MACROD2: variants seen among roughly 807,000 people sequenced by gnomAD.
MACROD2 encodes the protein ADP-ribose glycohydrolase MACROD2.
MACROD2 carries 36 observed loss-of-function variants against 70.4 expected under a neutral mutation model. The ratio of observed to expected loss-of-function variants is 0.51; its 90% CI spans 0.39 to 0.68. The LOEUF is 0.68. Among genes scored for constraint, MACROD2 ranks in the 30% least tolerant of loss-of-function variants. MACROD2 has a pLI of 0.00. For synonymous variants in MACROD2, 172 were observed against 178.8 expected (o/e 0.96, Z 0.30); for missense variants, 496 against 538.4 (o/e 0.92, Z 0.78).
At chr20:14,802,712 C>T (rs901756819) in intron 5 of MACROD2, among the ~76,000 whole-genome samples, 1 of 151,864 alleles carries the variant, frequency 6.6e-6, no homozygotes, top group African/African-American at 2.4e-5. Context: ...GATTATCTCT[C>T]GTGTGTCTCT....
chr20:15,601,634 C>T (rs2048821710), intron 8 of MACROD2, among the ~76,000 whole-genome samples: 1 of 152,126 alleles, frequency 6.6e-6, no homozygotes, highest in Non-Finnish European at 1.5e-5. Flanking sequence ...TCTGACTCGC[C>T]AGGTATCAAT....
chr20:14,032,275 G>A (rs2053254810), intron 2 of MACROD2, among the ~76,000 whole-genome samples: 1 of 151,984 alleles, frequency 6.6e-6, no homozygotes, highest in South Asian at 2.1e-4. Context: ...CAGTGAATAT[G>A]TTTGTTACCC....
At chr20:15,997,357 T>A (rs1270803313) in intron 15 of MACROD2, among the ~76,000 whole-genome samples, 2 of 152,176 alleles carry the variant, frequency 1.3e-5, no homozygotes, top group African/African-American at 4.8e-5. Context: ...TTACATTTAT[T>A]TGTGTCTTAT....
At chr20:15,885,701 G>T in intron 9 of MACROD2, 63 bp from the exon 10 acceptor site, 1 of 1,367,098 alleles carries the variant, frequency 7.3e-7, no homozygotes, top group South Asian at 1.6e-5. Flanking sequence ...AATCCATCTG[G>T]AACATTCTTG....
intron 5 of MACROD2, among the ~76,000 whole-genome samples, chr20:15,216,840 A>G (rs2076814944): frequency 2.0e-5 from 3 of 152,126 alleles, no homozygotes; most frequent in South Asian, 4.1e-4. Context: ...ACCACAGTCT[A>G]TCCTTTTTCT....
chr20:14,657,322 TG>T (rs1158118717), intron 4 of MACROD2, among the ~76,000 whole-genome samples: 4 of 152,252 alleles, frequency 2.6e-5, no homozygotes, highest in African/African-American at 9.6e-5. Context: ...CTGGCAGTTG[TG>T]GCTTATTTGG....
In MACROD2 at chr20:14,688,647, T is replaced by C. The variant is rs886307762; in HGVS notation, c.418+3688T>C. Among the ~76,000 whole-genome samples the C allele has an allele frequency of 2.0e-5, 3 of 152,230 alleles. No homozygotes were observed. In the East Asian group the frequency reaches 5.8e-4, roughly 29 times the overall value. On this transcript the variant is annotated intron_variant, in intron 5 of 17. Coordinates refer to ENST00000684519, the MANE Select transcript of MACROD2 (RefSeq NM_001351661.2). ...GATCTTTTGGGAATCTTCTCTACAA[T>C]ATTAGATATTTTTGAATTCATAATG...
At chr20:14,595,140 T>C (rs1338450751) in intron 4 of MACROD2, among the ~76,000 whole-genome samples, 1 of 152,218 alleles carries the variant, frequency 6.6e-6, no homozygotes, top group Non-Finnish European at 1.5e-5. Flanking sequence ...ATCTCATTAG[T>C]AATTGCACAG....
chr20:15,512,478 T>C (rs1257968056), intron 8 of MACROD2, among the ~76,000 whole-genome samples: 1 of 152,252 alleles, frequency 6.6e-6, no homozygotes, highest in Non-Finnish European at 1.5e-5. Flanking sequence ...CTTTGAGTAC[T>C]TATTGTAGGC....
intron 8 of MACROD2, among the ~76,000 whole-genome samples, chr20:15,560,217 AT>A (rs1232065093): frequency 2.4e-4 from 37 of 152,194 alleles, no homozygotes; most frequent in African/African-American, 8.4e-4. Flanking sequence ...TTGGAGTAAA[AT>A]TAGGAGACCC....
chr20:14,945,971 G>T (rs1464200462), intron 5 of MACROD2, among the ~76,000 whole-genome samples: 1 of 152,164 alleles, frequency 6.6e-6, no homozygotes, highest in Non-Finnish European at 1.5e-5. Flanking sequence ...ACTTTGGGAG[G>T]CCGAGGTGGG....
chr20:15,178,338 T>C (rs1022486267), intron 5 of MACROD2, among the ~76,000 whole-genome samples: 4 of 152,210 alleles, frequency 2.6e-5, no homozygotes, highest in Admixed American at 6.5e-5. Context: ...TGGCTACCAC[T>C]CTGTAAGTGC....
intron 3 of MACROD2, among the ~76,000 whole-genome samples, chr20:14,087,992 T>A (rs1024348293): frequency 1.3e-5 from 2 of 152,252 alleles, no homozygotes; most frequent in Non-Finnish European, 2.9e-5. Context: ...CTTTTATATA[T>A]ACACACATAT....
intron 10 of MACROD2, among the ~76,000 whole-genome samples, chr20:15,929,602 C>A (rs1239764338): frequency 6.6e-6 from 1 of 152,186 alleles, no homozygotes; most frequent in Non-Finnish European, 1.5e-5. Context: ...AGGAAGTACA[C>A]ATCAGATTGT....
At chr20:14,450,272 T>A (rs2084230773) in intron 3 of MACROD2, among the ~76,000 whole-genome samples, 1 of 152,124 alleles carries the variant, frequency 6.6e-6, no homozygotes, top group South Asian at 2.1e-4. Flanking sequence ...TTCATATGCA[T>A]GTTGGTTCTA....
At chr20:14,843,787 T>A (rs2122283978) in intron 5 of MACROD2, among the ~76,000 whole-genome samples, 1 of 152,236 alleles carries the variant, frequency 6.6e-6, no homozygotes, top group Admixed American at 6.5e-5. Flanking sequence ...TCTTGTTAAC[T>A]CCTTTGCCAT....
chr20:15,666,990 GTTTTCT>G (rs1014792022), intron 8 of MACROD2, among the ~76,000 whole-genome samples: 2 of 152,082 alleles, frequency 1.3e-5, no homozygotes, highest in Non-Finnish European at 2.9e-5. Context: ...CTGTATTTTT[GTTTTCT>G]TTTTCTATCT....
At position 15,586,919 on chromosome 20, in the gene MACROD2, T is replaced by C. The variant is rs73101805; in HGVS notation, c.645+87072T>C. On this transcript the variant is annotated intron_variant, in intron 8 of 17. Transcript: ENST00000684519. ...TACATAAAAAATCTTAAAAATATCC[T>C]GAAGTTTACAAAGAAAGACTTGAAC... is the stretch of plus-strand genomic sequence containing the variant. Among the ~76,000 whole-genome samples the C allele has an allele frequency of 1.6e-4, 24 of 152,314 alleles. 1 individual carries two copies. The highest frequency in any genetic ancestry group is 2.8e-4 in the Non-Finnish European group (19 of 68,024).
At chr20:14,718,837 T>C (rs1163842489) in intron 5 of MACROD2, among the ~76,000 whole-genome samples, 1 of 152,180 alleles carries the variant, frequency 6.6e-6, no homozygotes, top group Non-Finnish European at 1.5e-5. Flanking sequence ...TTCTTTTACC[T>C]AGATTTATTC....
Sources: allele counts gnomAD v4.1 joint callset (sites outside exome capture counted in the v4.1 genomes callset), GRCh38; gene constraint gnomAD v4.1.1; transcripts MANE v1.5; gene names NCBI Gene and HGNC (gene_info 2026-07-23, HGNC 2026-07-21).